DYNC1I1: variants seen among roughly 807,000 people sequenced by gnomAD.
DYNC1I1 encodes dynein cytoplasmic 1 intermediate chain 1, also known as cytoplasmic dynein 1 intermediate chain 1.
In DYNC1I1, 43 loss-of-function variants were observed where a neutral mutation model predicts 86.6. The observed-to-expected ratio is 0.50, with a 90% CI of 0.39 to 0.64. DYNC1I1 has a LOEUF of 0.64. Among genes scored for constraint, DYNC1I1 ranks in the 30% least tolerant of loss-of-function variants. The pLI is 0.00. For synonymous variants in DYNC1I1, 262 were observed against 283.7 expected (o/e 0.92, Z 0.77); for missense variants, 604 against 788.8 (o/e 0.77, Z 2.81).
intron 1 of DYNC1I1, among the ~76,000 whole-genome samples, chr7:95,776,534 T>C (rs1460818611): frequency 6.6e-6 from 1 of 152,194 alleles, no homozygotes; most frequent in Non-Finnish European, 1.5e-5. Flanking sequence ...AATGGGGATA[T>C]TGCTAACTAA....
intron 6 of DYNC1I1, among the ~76,000 whole-genome samples, chr7:95,916,938 A>G (rs10243540): frequency 0.18 from 26,671 of 152,136 alleles, 2,453 homozygotes; most frequent in South Asian, 0.3. Flanking sequence ...CCCCAAAGGC[A>G]TCAATAAAAC....
At chr7:96,065,689 C>T (rs573081810) in intron 14 of DYNC1I1, among the ~76,000 whole-genome samples, 4 of 152,108 alleles carry the variant, frequency 2.6e-5, no homozygotes, top group Admixed American at 2.6e-4. Flanking sequence ...CGCCGAGCAT[C>T]CCGGCTCTTT....
chr7:96,092,987 AATC>A (rs1266382850), intron 16 of DYNC1I1, among the ~76,000 whole-genome samples: 6 of 152,112 alleles, frequency 3.9e-5, no homozygotes, highest in Non-Finnish European at 1.5e-5. Flanking sequence ...GTCTTTAGCA[AATC>A]ATTTAGCTCC....
At chr7:95,930,318 A>G (rs1232099610) in intron 6 of DYNC1I1, among the ~76,000 whole-genome samples, 1 of 152,208 alleles carries the variant, frequency 6.6e-6, no homozygotes, top group African/African-American at 2.4e-5. Flanking sequence ...TTGTCAATCT[A>G]ACTTGTTGCT....
chr7:95,832,030 C>T (rs1227510), intron 5 of DYNC1I1, among the ~76,000 whole-genome samples: 62,359 of 150,004 alleles, frequency 0.42, 13,426 homozygotes, highest in East Asian at 0.58. Flanking sequence ...AGGTTAGTTA[C>T]ATATGTATAC....
chr7:95,847,303 A>G (rs1789459160), intron 5 of DYNC1I1, among the ~76,000 whole-genome samples: 1 of 152,092 alleles, frequency 6.6e-6, no homozygotes, highest in African/African-American at 2.4e-5. Flanking sequence ...ACTTCGTTAG[A>G]CCATCAATCA....
At chr7:96,002,828 G>T (rs1362937901) in intron 10 of DYNC1I1, among the ~76,000 whole-genome samples, 14 of 150,976 alleles carry the variant, frequency 9.3e-5, no homozygotes, top group South Asian at 2.1e-4. Flanking sequence ...TTTTTTTTTG[G>T]GTTTTTTTTG....
At chr7:95,871,850 T>C (rs1790179100) in intron 6 of DYNC1I1, among the ~76,000 whole-genome samples, 1 of 152,240 alleles carries the variant, frequency 6.6e-6, no homozygotes, top group Non-Finnish European at 1.5e-5. Flanking sequence ...CTTTCTGTTT[T>C]GTTCACAAGA....
chr7:95,785,656 T>C (rs1263257366), intron 1 of DYNC1I1, among the ~76,000 whole-genome samples: 1 of 151,264 alleles, frequency 6.6e-6, no homozygotes. Flanking sequence ...TATACATATA[T>C]ATTGTATATA....
At chr7:95,826,387 T>C (rs1364143827) in intron 4 of DYNC1I1, among the ~76,000 whole-genome samples, 5 of 152,172 alleles carry the variant, frequency 3.3e-5, no homozygotes, top group African/African-American at 1.2e-4. Context: ...TAAGAGTAGA[T>C]AGAGTGATTG....
chr7:95,783,746 TA>T (rs1355406519), intron 1 of DYNC1I1, among the ~76,000 whole-genome samples: 12 of 152,276 alleles, frequency 7.9e-5, no homozygotes, highest in African/African-American at 2.6e-4. Flanking sequence ...AAAATGTGAT[TA>T]TGATTAAGAG....
At chr7:95,910,955 G>A (rs955553008) in intron 6 of DYNC1I1, among the ~76,000 whole-genome samples, 4 of 152,122 alleles carry the variant, frequency 2.6e-5, no homozygotes, top group African/African-American at 9.7e-5. Context: ...GGATAATGGT[G>A]AATATTAAAG....
intron 14 of DYNC1I1, among the ~76,000 whole-genome samples, chr7:96,064,096 C>T (rs1287203134): frequency 6.6e-6 from 1 of 152,068 alleles, no homozygotes; most frequent in Non-Finnish European, 1.5e-5. Flanking sequence ...TATTTAGTTG[C>T]CCTGTGGTGC....
At chr7:95,820,759 A>G (rs1170640652) in intron 4 of DYNC1I1, among the ~76,000 whole-genome samples, 1 of 152,242 alleles carries the variant, frequency 6.6e-6, no homozygotes, top group Non-Finnish European at 1.5e-5. Flanking sequence ...AATAATATTC[A>G]TAGAGACAGG....
chr7:95,929,464 C>G (rs2116403872), intron 6 of DYNC1I1, among the ~76,000 whole-genome samples: 1 of 152,246 alleles, frequency 6.6e-6, no homozygotes, highest in South Asian at 2.1e-4. Context: ...TCATATTTTT[C>G]CTAGTTCCTT....
chr7:96,072,097 G>C (rs1299952803), intron 14 of DYNC1I1, among the ~76,000 whole-genome samples: 1 of 152,142 alleles, frequency 6.6e-6, no homozygotes, highest in Admixed American at 6.5e-5. Flanking sequence ...ATTTTATGCG[G>C]ATTAAATTAG....
intron 6 of DYNC1I1, among the ~76,000 whole-genome samples, chr7:95,937,472 AT>A (rs1562949346): frequency 1.3e-5 from 2 of 151,360 alleles, no homozygotes. Flanking sequence ...ATTTTTCCAA[AT>A]TCGATGTATG....
intron 6 of DYNC1I1, among the ~76,000 whole-genome samples, chr7:95,967,287 C>G (rs941424210): frequency 6.6e-6 from 1 of 152,098 alleles, no homozygotes; most frequent in African/African-American, 2.4e-5. Context: ...AACTGAAGTG[C>G]TATGAGAGGT....
At chr7:96,032,505 A>G (rs1794836902) in intron 11 of DYNC1I1, among the ~76,000 whole-genome samples, 162 bp from the exon 12 acceptor site, 1 of 152,168 alleles carries the variant, frequency 6.6e-6, no homozygotes, top group South Asian at 2.1e-4. Flanking sequence ...GCTTTTAGAA[A>G]GAAATCAGGT....
Sources: allele counts gnomAD v4.1 joint callset (sites outside exome capture counted in the v4.1 genomes callset), GRCh38; gene constraint gnomAD v4.1.1; transcripts MANE v1.5; gene names NCBI Gene and HGNC (gene_info 2026-07-23, HGNC 2026-07-21).